The following TM2D2 variants were observed in gnomAD, a reference collection of about 807,000 sequenced individuals.
The protein encoded by TM2D2 is TM2 domain containing 2.
In TM2D2, 19 loss-of-function variants were observed where a neutral mutation model predicts 23.0. That is an observed-to-expected ratio of 0.82 (90% CI 0.58 to 1.21). The LOEUF (loss-of-function observed/expected upper bound fraction) is 1.21. Among genes scored for constraint, TM2D2 ranks in the 50% most tolerant of loss-of-function variants. TM2D2 has a pLI of 0.00. For missense variants in TM2D2, 246 were observed against 265.4 expected, an observed-to-expected ratio of 0.93 and a Z score of 0.51; for synonymous variants, 120 against 108.8, an observed-to-expected ratio of 1.10 and a Z score of -0.64.
At position 38,995,417 on chromosome 8, in the gene TM2D2, C is replaced by G. The variant is rs938607987; in HGVS notation, c.228-12G>C. ...TAAATTCATCAGGTCTGTAATTCAC[C>G]AGTAAGATCATGATCATCATCATAC... is the stretch of plus-strand genomic sequence containing the variant. On this transcript the variant is annotated splice_polypyrimidine_tract_variant and intron_variant, in intron 1 of 3. Transcript: ENST00000456397. 2.5e-6 allele frequency: 4 copies of G among 1,612,416 alleles called. No individual in the cohort carries two copies. Among genetic ancestry groups the G allele is most frequent in the Non-Finnish European group, 3.4e-6 (4 of 1,179,458 alleles).
rs1835527688 is a variant in TM2D2, at chr8:38,989,005, CAATT to C, written c.*2323_*2326del. Reference sequence around the variant, plus strand: ...AACCTGAATAAAGTGCAAAGGCAATCAATTGTTAAATAGTACTCCTTTAGTCCAT... The same window carrying C: ...AACCTGAATAAAGTGCAAAGGCAATCGTTAAATAGTACTCCTTTAGTCCAT... On this transcript the variant is annotated 3_prime_UTR_variant, in exon 4 of 4. Coordinates refer to ENST00000456397, the MANE Select transcript of TM2D2 (RefSeq NM_078473.3). 6.6e-6 allele frequency: 1 copy of C among 152,198 alleles called. No individual in the cohort carries two copies. The highest frequency in any genetic ancestry group is 2.4e-5 in the African/African-American group (1 of 41,442). 9.4% of individuals were successfully genotyped at this position (152,198 alleles called of 1,614,324 possible). A position where few individuals can be genotyped will look rare whatever the true frequency, so the allele number is the denominator to read the frequency against.
rs762429302 is a variant in TM2D2, at chr8:38,996,352, C to T, written c.88G>A (p.Val30Met). Reference protein sequence around the residue: ...LLGNLLLLHCVSRSHSQNATA... With the variant: ...LLGNLLLLHCMSRSHSQNATA... Reference sequence around the variant, plus strand: ...GCATTTTGCGAGTGGCTCCGAGACACACAATGCAGCAGAAGTAAATTCCCC... The same window carrying T: ...GCATTTTGCGAGTGGCTCCGAGACATACAATGCAGCAGAAGTAAATTCCCC... Residue 30 changes from valine to methionine, a missense_variant, in exon 1 of 4, where the codon GTG (valine) becomes ATG (methionine). By Grantham distance (21) the Val-to-Met change is conservative. Around this residue, in one of 2 missense-constraint regions of TM2D2, gnomAD observed 212 missense variants for 202.2 expected, o/e 1.05. Coordinates refer to ENST00000456397, the MANE Select transcript of TM2D2 (RefSeq NM_078473.3). The T allele has an allele frequency of 1.1e-5, 17 of 1,614,212 alleles. 1 individual carries two copies. The Admixed American group carries it at 2.8e-4, about 27-fold the overall frequency.
chr8:38,991,668 A>G (rs1280416115), intron 3 of TM2D2, 123 bp from the exon 4 acceptor site: 10 of 766,728 alleles, frequency 1.3e-5, no homozygotes, highest in Non-Finnish European at 2.2e-5. Flanking sequence ...TTTACCCTCC[A>G]TTTTGTTTTC....
upstream of TM2D2, chr8:38,996,627 GGCGGGGCTACTCC>G (rs2129429997): frequency 6.3e-6 from 9 of 1,437,764 alleles, no homozygotes; most frequent in South Asian, 1.3e-4. Flanking sequence ...CGAGCAGACG[GGCGGGGCTACTCC>G]GCCCTCTGCT....
chr8:38,996,330 T>C lies in TM2D2; in HGVS notation c.110A>G (p.Asn37Ser), dbSNP rs1554569797. Residue 37 changes from asparagine to serine, a missense_variant, in exon 1 of 4, where the codon AAT (asparagine) becomes AGT (serine). By Grantham distance (46) the Asn-to-Ser change is conservative. Coordinates refer to ENST00000456397, the MANE Select transcript of TM2D2 (RefSeq NM_078473.3). ...TGTGAGCTCAGGCTCAGCGGTCGCA[T>C]TTTGCGAGTGGCTCCGAGACACACA... ...LHCVSRSHSQ[N>S]ATAEPELTSA... 1 of 1,614,132 alleles carries C rather than the reference T, an allele frequency of 6.2e-7. No individual in the cohort carries two copies. Among genetic ancestry groups the C allele is most frequent in the Admixed American group, 1.7e-5 (1 of 60,024 alleles).
upstream of TM2D2, chr8:38,996,809 G>A (rs1002331117): frequency 6.3e-6 from 9 of 1,430,478 alleles, no homozygotes; most frequent in African/African-American, 1.2e-4. Flanking sequence ...GGTTGCCACC[G>A]CCGGTTTAGA....
chr8:38,995,783 A>G, intron 1 of TM2D2: 1 of 1,247,890 alleles, frequency 8.0e-7, no homozygotes, highest in Non-Finnish European at 1.0e-6. Flanking sequence ...GATGTTAAAA[A>G]ATGGCGTGAT....
chr8:38,991,531 T>C lies in TM2D2; in HGVS notation c.446A>G (p.Tyr149Cys), dbSNP rs1190817859. The C allele has an allele frequency of 2.5e-6, 4 of 1,612,768 alleles. No individual in the cohort carries two copies. The highest frequency in any genetic ancestry group is 3.4e-6 in the Non-Finnish European group (4 of 1,178,798). The change falls in exon 4 of 4, where the codon TAC (tyrosine) becomes TGC (cysteine). Residue 149 changes from tyrosine (Y) to cysteine (C), a missense_variant. Coordinates refer to ENST00000456397, the MANE Select transcript of TM2D2 (RefSeq NM_078473.3). ...GGAGTAGAGTAAAGTGGTTATGAAG[T>C]AGTGTCCGGTATACCTAGGTGAAAG... is the stretch of plus-strand genomic sequence containing the variant. ...NKPCIKYTGH[Y>C]FITTLLYSFF... is the part of the protein sequence containing the mutation.
At chr8:38,993,917 C>G (rs1835679771) in intron 2 of TM2D2, 1 of 275,618 alleles carries the variant, frequency 3.6e-6, no homozygotes, top group Non-Finnish European at 7.0e-6. Flanking sequence ...AAAAAAACCC[C>G]CAAACACACT....
At chr8:38,995,578 C>A in intron 1 of TM2D2, 173 bp from the exon 2 acceptor site, 1 of 1,481,610 alleles carries the variant, frequency 6.7e-7, no homozygotes, top group South Asian at 1.4e-5. Flanking sequence ...GCAGGTCAAA[C>A]GGACAGCCAC....
Position 38,993,675 on chromosome 8 carries a change from C to G in TM2D2, c.316-15G>C. The G allele has an allele frequency of 6.3e-7, 1 of 1,598,094 alleles. No homozygotes were observed. Among genetic ancestry groups the G allele is most frequent in the Non-Finnish European group, 8.6e-7 (1 of 1,166,384 alleles). ...TGACCGCCGAACTGTGGAATAACAA[C>G]CAAGACCAAAACCAACTCACCAGAG... is the stretch of plus-strand genomic sequence containing the variant. On this transcript the variant is annotated splice_polypyrimidine_tract_variant and intron_variant, in intron 2 of 3. Coordinates refer to ENST00000456397, the MANE Select transcript of TM2D2 (RefSeq NM_078473.3).
At chr8:38,994,413 T>C (rs914705099) in intron 2 of TM2D2, among the ~76,000 whole-genome samples, 1 of 152,214 alleles carries the variant, frequency 6.6e-6, no homozygotes, top group East Asian at 1.9e-4. Context: ...AAACTCAATT[T>C]TTAATTAAAA....
rs758500865 is a variant in TM2D2, at chr8:38,991,156, G to A, written c.*176C>T. 4.5e-5 allele frequency: 28 copies of A among 621,802 alleles called. No individual in the cohort carries two copies. The highest frequency in any genetic ancestry group is 6.2e-5 in the Non-Finnish European group (22 of 355,790). The allele number at this position is 621,802 out of a possible 1,614,324, so 38.5% of individuals were successfully genotyped here. On this transcript the variant is annotated 3_prime_UTR_variant, in exon 4 of 4. Coordinates refer to ENST00000456397, the MANE Select transcript of TM2D2 (RefSeq NM_078473.3). ...TTTTGCTTGTCATTCCGTCTGCAAG[G>A]TAAAATCTGGGTTGAAATTCCAAAG...
chr8:38,992,406 A>C (rs1490388363), intron 3 of TM2D2, among the ~76,000 whole-genome samples: 1 of 144,344 alleles, frequency 6.9e-6, no homozygotes, highest in Non-Finnish European at 1.5e-5. Flanking sequence ...TGAGCCCAGG[A>C]GGTCGAGGCT....
In TM2D2 at chr8:38,996,380, C is replaced by T. The variant is rs767516481; in HGVS notation, c.60G>A (p.Leu20=). Residue 20 remains leucine (L), a synonymous_variant, in exon 1 of 4, where the codon CTG becomes CTA. Transcript: ENST00000456397. ...AATGCAGCAGAAGTAAATTCCCCAG[C>T]AGCAAAGCCGCCTGGCCGCACAGAA... ...YLLLCGQAAL[L]LGNLLLLHCV... The T allele has an allele frequency of 6.2e-7, 1 of 1,614,226 alleles. No homozygotes were observed. The highest frequency in any genetic ancestry group is 2.2e-5 in the East Asian group (1 of 44,886).
Position 38,991,494 on chromosome 8 carries a change from T to C in TM2D2, c.483A>G (p.Gly161=), listed in dbSNP as rs768425993. 50 of 1,613,930 alleles carry C rather than the reference T, an allele frequency of 3.1e-5. No homozygotes were observed. The highest frequency in any genetic ancestry group is 4.0e-5 in the Non-Finnish European group (47 of 1,180,024). The stretch of plus-strand genomic sequence containing the variant: ...AACAGAATCGATCCACACCAAAACA[T>C]CCCAGGAAGAAGGAGTAGAGTAAAG... ...ITTLLYSFFL[G]CFGVDRFCLG... is the part of the protein sequence containing the mutation. Residue 161 remains glycine, a synonymous_variant, in exon 4 of 4, where the codon GGA becomes GGG. Coordinates refer to ENST00000456397, the MANE Select transcript of TM2D2 (RefSeq NM_078473.3).
chr8:38,996,970 G>C (rs962284380), upstream of TM2D2: 1 of 1,516,896 alleles, frequency 6.6e-7, no homozygotes, highest in African/African-American at 1.4e-5. Context: ...GCGCTTCCCG[G>C]CCAGACTTGG....
chr8:38,991,256 G>T lies in TM2D2; in HGVS notation c.*76C>A. ...TAACATCAGGTCTGATATCAAAGAG[G>T]AGTTTTGAGCCTGTAGAGATGAATT... On this transcript the variant is annotated 3_prime_UTR_variant, in exon 4 of 4. Coordinates refer to ENST00000456397, the MANE Select transcript of TM2D2 (RefSeq NM_078473.3). The T allele has an allele frequency of 8.4e-7, 1 of 1,196,106 alleles. No individual in the cohort carries two copies. The highest frequency in any genetic ancestry group is 1.2e-6 in the Non-Finnish European group (1 of 826,940). The allele number at this position is 1,196,106 out of a possible 1,614,324, so 74.1% of individuals were successfully genotyped here.
intron 2 of TM2D2, among the ~76,000 whole-genome samples, chr8:38,994,425 G>A (rs755693998): frequency 7.2e-5 from 11 of 152,122 alleles, no homozygotes; most frequent in Non-Finnish European, 1.2e-4. Flanking sequence ...TAATTAAAAT[G>A]GGCAAAAGTG....
Sources: allele counts gnomAD v4.1 joint callset (sites outside exome capture counted in the v4.1 genomes callset), GRCh38; gene constraint gnomAD v4.1.1; regional missense constraint gnomAD v4.1.1; transcripts MANE v1.5; gene names NCBI Gene and HGNC (gene_info 2026-07-23, HGNC 2026-07-21).